The following ESR1 variants were observed in gnomAD, a reference collection of about 807,000 sequenced individuals.
ESR1 encodes estrogen receptor.
A neutral mutation model predicts 52.7 loss-of-function variants in ESR1; 12 were observed. The observed-to-expected ratio is 0.23, with a 90% CI of 0.15 to 0.37. ESR1 has a LOEUF of 0.37. Ranked by LOEUF, ESR1 falls within the 10% of genes least tolerant of loss-of-function variation. The pLI is 1.00. For synonymous variants in ESR1, 305 were observed against 316.8 expected, an observed-to-expected ratio of 0.96 and a Z score of 0.39; for missense variants, 584 against 779.7, an observed-to-expected ratio of 0.75 and a Z score of 2.99.
intron 1 of ESR1, among the ~76,000 whole-genome samples, chr6:151,669,193 G>GAGAGAGAGAGAGAGAGAGAGAGAGAGAGA (rs1562319611): frequency 2.0e-5 from 1 of 49,098 alleles, no homozygotes; most frequent in Admixed American, 1.6e-4. Context: ...AGAGAGATGG[G>GAGAGAGAGAGAGAGAGAGAGAGAGAGAGA]AATCCAGGGG....
Position 152,044,327 on chromosome 6 carries a change from C to T in ESR1, c.1236-16664C>T, listed in dbSNP as rs555498806. On this transcript the variant is annotated intron_variant, in intron 5 of 7. Coordinates refer to ENST00000206249, the MANE Select transcript of ESR1 (RefSeq NM_000125.4). ...GCAGCCAACTCCAGAAACCCCAAAA[C>T]CATCTAAAGAAATCCATCCGTAAAA... Among the ~76,000 whole-genome samples the T allele has an allele frequency of 3.7e-4, 57 of 152,298 alleles. 2 individuals are homozygous for T. In the South Asian group the frequency reaches 0.011, roughly 28 times the overall value.
intron 2 of ESR1, among the ~76,000 whole-genome samples, chr6:151,711,485 T>A (rs929439464): frequency 2.0e-5 from 3 of 152,212 alleles, no homozygotes; most frequent in Non-Finnish European, 4.4e-5. Flanking sequence ...CCTCCCAAAG[T>A]GCTAGGATTA....
In ESR1 at chr6:152,102,736, ACT is replaced by A. The variant is rs1160712402; in HGVS notation, c.*3771_*3772del. 9.1e-6 allele frequency: 2 copies of A among 218,904 alleles called. No individual in the cohort carries two copies. Among genetic ancestry groups the A allele is most frequent in the African/African-American group, 4.5e-5 (2 of 44,508 alleles). 13.6% of individuals were successfully genotyped at this position (218,904 alleles called of 1,614,324 possible). A position where few individuals can be genotyped will look rare whatever the true frequency, so the allele number is the denominator to read the frequency against. On this transcript the variant is annotated 3_prime_UTR_variant, in exon 8 of 8. Coordinates refer to ENST00000206249, the MANE Select transcript of ESR1 (RefSeq NM_000125.4). The stretch of plus-strand genomic sequence containing the variant: ...CTCTATTATGGCACTTCAATTTTGC[ACT>A]GTCTTTTGAGATTCAAGAAAAATTT...
chr6:151,977,992 G>A (rs925537146), intron 4 of ESR1, among the ~76,000 whole-genome samples: 1 of 148,914 alleles, frequency 6.7e-6, no homozygotes, highest in African/African-American at 2.5e-5. Flanking sequence ...AGGAAAGAGA[G>A]GGACAATAGA....
chr6:151,663,847 C>A lies in ESR1; in HGVS notation n.73+7084C>A, dbSNP rs552527563. On this transcript the variant is annotated intron_variant and non_coding_transcript_variant, in intron 1 of 2. Transcript: ENST00000473497. The stretch of plus-strand genomic sequence containing the variant: ...TGTTCCTGAGAGTGAAGGGATAAGA[C>A]AATAACTACAAAAAGGTGAAATGAG... Among the ~76,000 whole-genome samples the A allele has an allele frequency of 3.3e-5, 5 of 152,242 alleles. No individual in the cohort carries two copies. The South Asian group carries it at 1.0e-3, about 32-fold the overall frequency.
At chr6:151,957,173 G>A (rs545099797) in intron 4 of ESR1, among the ~76,000 whole-genome samples, 52 of 152,066 alleles carry the variant, frequency 3.4e-4, no homozygotes, top group African/African-American at 7.7e-4. Flanking sequence ...CACCACGTGC[G>A]ACCCACATGT....
At chr6:151,854,980 C>A (rs1370871708) in intron 2 of ESR1, among the ~76,000 whole-genome samples, 1 of 152,316 alleles carries the variant, frequency 6.6e-6, no homozygotes, top group East Asian at 1.9e-4. Flanking sequence ...GTGGTGCGAT[C>A]TTGGCTCATT....
At chr6:151,974,641 T>C (rs779490550) in intron 4 of ESR1, among the ~76,000 whole-genome samples, 11 of 152,220 alleles carry the variant, frequency 7.2e-5, no homozygotes, top group Non-Finnish European at 1.5e-4. Flanking sequence ...TAGAGATTGC[T>C]GTGAGGATAA....
intron 6 of ESR1, among the ~76,000 whole-genome samples, chr6:152,081,013 C>T (rs193228206): frequency 6.6e-6 from 1 of 152,112 alleles, no homozygotes; most frequent in Non-Finnish European, 1.5e-5. Context: ...GACTCCCACA[C>T]AATAATAATG....
intron 5 of ESR1, among the ~76,000 whole-genome samples, chr6:152,048,331 C>T (rs117073005): frequency 0.052 from 7,715 of 147,710 alleles, 255 homozygotes; most frequent in Middle Eastern, 0.084. Context: ...CCTCTGCACT[C>T]CAGCCTGGAG....
intron 1 of ESR1, among the ~76,000 whole-genome samples, chr6:151,836,682 C>T (rs1562458998): frequency 6.6e-6 from 1 of 152,050 alleles, no homozygotes; most frequent in Non-Finnish European, 1.5e-5. Flanking sequence ...AATAATCACC[C>T]AAATATAGGA....
intron 2 of ESR1, among the ~76,000 whole-genome samples, chr6:151,714,195 G>T (rs558690721): frequency 2.0e-4 from 31 of 152,290 alleles, no homozygotes; most frequent in South Asian, 1.9e-3. Flanking sequence ...TTGCAGTGTG[G>T]TCTGAGAGAC....
intron 2 of ESR1, among the ~76,000 whole-genome samples, chr6:151,787,476 G>A (rs557911819): frequency 6.6e-6 from 1 of 152,250 alleles, no homozygotes; most frequent in African/African-American, 2.4e-5. Flanking sequence ...CTATTCATGA[G>A]CATGGAATGT....
intron 1 of ESR1, among the ~76,000 whole-genome samples, chr6:151,681,125 ATTC>A (rs1308038027): frequency 1.3e-5 from 2 of 152,226 alleles, no homozygotes; most frequent in East Asian, 3.9e-4. Context: ...ACCTTCACTT[ATTC>A]TTCTGTGAAC....
chr6:151,707,892 C>A (rs1021719868), intron 2 of ESR1, among the ~76,000 whole-genome samples: 4 of 151,970 alleles, frequency 2.6e-5, no homozygotes, highest in Admixed American at 2.6e-4. Flanking sequence ...TAGGTAATTT[C>A]CACTAATTTG....
intron 7 of ESR1, among the ~76,000 whole-genome samples, chr6:152,095,560 A>C (rs910891157): frequency 9.2e-5 from 14 of 152,230 alleles, no homozygotes; most frequent in African/African-American, 3.4e-4. Context: ...TGTTTGGGCA[A>C]GTGCATTTTA....
intron 2 of ESR1, among the ~76,000 whole-genome samples, chr6:151,849,878 C>T (rs1168930352): frequency 6.7e-6 from 1 of 149,110 alleles, no homozygotes; most frequent in Admixed American, 6.8e-5. Context: ...TTCTGTTTTG[C>T]TCCTCAGCTC....
chr6:152,080,180 A>T (rs375709364), intron 6 of ESR1, among the ~76,000 whole-genome samples: 3 of 152,274 alleles, frequency 2.0e-5, no homozygotes, highest in African/African-American at 7.2e-5. Context: ...CAACCCCAAG[A>T]CACATAATTT....
chr6:152,006,026 A>T (rs1029466459), intron 4 of ESR1, among the ~76,000 whole-genome samples: 10 of 152,022 alleles, frequency 6.6e-5, no homozygotes, highest in African/African-American at 2.4e-4. Flanking sequence ...TCAGGGTGAG[A>T]GCTGCTCACA....
Sources: allele counts gnomAD v4.1 joint callset (sites outside exome capture counted in the v4.1 genomes callset), GRCh38; gene constraint gnomAD v4.1.1; transcripts MANE v1.5; gene names NCBI Gene and HGNC (gene_info 2026-07-23, HGNC 2026-07-21).